ZSCAN22: variants seen among roughly 807,000 people sequenced by gnomAD.
The protein encoded by ZSCAN22 is zinc finger and SCAN domain-containing protein 22.
A neutral mutation model predicts 12.4 loss-of-function variants in ZSCAN22; 7 were observed. That is an observed-to-expected ratio of 0.57 (90% confidence interval 0.32 to 1.06). The LOEUF is 1.06. Ranked by LOEUF, ZSCAN22 falls within the 50% of genes least tolerant of loss-of-function variation. The probability of loss-of-function intolerance (pLI) is 0.04; values close to 1 mark genes in which losing one functional copy is unlikely to be tolerated. For missense variants in ZSCAN22, 576 were observed against 631.7 expected (o/e 0.91, Z 0.94); for synonymous variants, 243 against 255.9 (o/e 0.95, Z 0.48).
intron 1 of ZSCAN22, 158 bp from the exon 2 acceptor site, chr19:58,334,594 T>C (rs1395010589): frequency 3.4e-6 from 2 of 581,770 alleles, no homozygotes; most frequent in Non-Finnish European, 6.0e-6. Context: ...AGAACAGTGC[T>C]CAGCACCAAG....
rs1006391294 is a variant in ZSCAN22 at position 58,339,329 on chromosome 19, G to C, written c.*3G>C. On this transcript the variant is annotated 3_prime_UTR_variant, in exon 3 of 3. Coordinates refer to ENST00000329665, the MANE Select transcript of ZSCAN22 (RefSeq NM_181846.3). This position sits in a 1 kb window ranked among gnomAD's most constrained non-coding sequence, Gnocchi z 5.6. Reference sequence around the variant, plus strand: ...TCCACATCACGGTGCTGCAATGACCGGAAGTCGCCCCTGGGGGCGTAGCAC... The same window carrying C: ...TCCACATCACGGTGCTGCAATGACCCGAAGTCGCCCCTGGGGGCGTAGCAC... 1 of 1,588,210 alleles carries C rather than the reference G, an allele frequency of 6.3e-7. No homozygotes were observed. Among genetic ancestry groups the C allele is most frequent in the Non-Finnish European group, 8.6e-7 (1 of 1,164,498 alleles).
intron 2 of ZSCAN22, among the ~76,000 whole-genome samples, chr19:58,337,442 T>C (rs1160096990): frequency 7.9e-6 from 1 of 126,256 alleles, no homozygotes; most frequent in African/African-American, 3.1e-5. Flanking sequence ...CATCCAGGCC[T>C]AGACGCAAGG....
chr19:58,339,007 G>A lies in ZSCAN22; in HGVS notation c.1157G>A (p.Gly386Glu), dbSNP rs2051836253. Residue 386 changes from glycine (G) to glutamate (E), a missense_variant, in exon 3 of 3, where the codon GGG (glycine) becomes GAG (glutamate). Gly to Glu is a moderately conservative substitution (Grantham distance 98). Transcript: ENST00000329665. This position sits in a 1 kb window ranked among gnomAD's most constrained non-coding sequence, Gnocchi z 5.6. ...GERPYECDAC[G>E]KAFSQSTHLT... ...CGGCCCTACGAGTGTGACGCGTGTG[G>A]GAAAGCCTTCAGCCAGAGCACGCAC... 2 of 1,612,594 alleles carry A rather than the reference G, an allele frequency of 1.2e-6. No individual in the cohort carries two copies. Among genetic ancestry groups the A allele is most frequent in the Non-Finnish European group, 1.7e-6 (2 of 1,179,164 alleles).
In ZSCAN22 at chr19:58,338,903, C is replaced by G. The variant is rs750239603; in HGVS notation, c.1053C>G (p.Pro351=). ...QHQRIHTGEK[P]YKCGECGKTF... is the part of the protein sequence containing the mutation. ...AAAGGATTCATACTGGAGAGAAACC[C>G]TACAAATGTGGGGAATGTGGTAAAA... The change falls in exon 3 of 3, where the codon CCC becomes CCG. Residue 351 remains proline, a synonymous_variant. Coordinates refer to ENST00000329665, the MANE Select transcript of ZSCAN22 (RefSeq NM_181846.3). The surrounding 1 kb of genome is among the most constrained non-coding windows in gnomAD (Gnocchi z 5.4). 17 of 1,613,766 alleles carry G rather than the reference C, an allele frequency of 1.1e-5. No individual in the cohort carries two copies. Among genetic ancestry groups the G allele is most frequent in the Non-Finnish European group, 1.4e-5 (17 of 1,179,940 alleles).
In ZSCAN22 at chr19:58,335,078, G is replaced by C; in HGVS notation, c.276G>C (p.Leu92=). 6.2e-7 allele frequency: 1 copy of C among 1,614,156 alleles called. No individual in the cohort carries two copies. The highest frequency in any genetic ancestry group is 8.5e-7 in the Non-Finnish European group (1 of 1,180,046). Residue 92 remains leucine (L), a synonymous_variant, in exon 2 of 3, where the codon CTG becomes CTC. Transcript: ENST00000329665. The surrounding 1 kb of genome is among the most constrained non-coding windows in gnomAD (Gnocchi z 4.1). Reference sequence around the variant, plus strand: ...CCAAGGAGCAGATACTGGAGCTGCTGGTGCTGGAGCAGTTCCTGGGTGCGC... The same window carrying C: ...CCAAGGAGCAGATACTGGAGCTGCTCGTGCTGGAGCAGTTCCTGGGTGCGC... ...AHSKEQILEL[L]VLEQFLGALP...
chr19:58,338,150 G>T lies in ZSCAN22; in HGVS notation c.404-104G>T. 9.3e-7 allele frequency: 1 copy of T among 1,071,698 alleles called. No homozygotes were observed. Among genetic ancestry groups the T allele is most frequent in the Non-Finnish European group, 1.3e-6 (1 of 744,166 alleles). 66.4% of individuals were successfully genotyped at this position (1,071,698 alleles called of 1,614,324 possible). A position where few individuals can be genotyped will look rare whatever the true frequency, so the allele number is the denominator to read the frequency against. On this transcript the variant is annotated intron_variant, in intron 2 of 2. Transcript: ENST00000329665. The surrounding 1 kb of genome is among the most constrained non-coding windows in gnomAD (Gnocchi z 5.4). ...CCTTGGAACTGGGGCCAGATGTTAG[G>T]AACGGGCCACATCTCCCCTTACAAA...
Position 58,341,840 on chromosome 19 carries a change from G to A in ZSCAN22, c.*2514G>A, listed in dbSNP as rs1415632746. 1 of 152,158 alleles carries A rather than the reference G, an allele frequency of 6.6e-6. No homozygotes were observed. The highest frequency in any genetic ancestry group is 1.5e-5 in the Non-Finnish European group (1 of 68,038). 9.4% of individuals were successfully genotyped at this position (152,158 alleles called of 1,614,324 possible). A position where few individuals can be genotyped will look rare whatever the true frequency, so the allele number is the denominator to read the frequency against. On this transcript the variant is annotated 3_prime_UTR_variant, in exon 3 of 3. Coordinates refer to ENST00000329665, the MANE Select transcript of ZSCAN22 (RefSeq NM_181846.3). ...GACTCCTCCCTGTGGCTACTTTTGG[G>A]ACCTAAGATAAGTGACTTTCCTGAA...
At chr19:58,331,040 A>G (rs745348300) in intron 1 of ZSCAN22, among the ~76,000 whole-genome samples, 1 of 152,210 alleles carries the variant, frequency 6.6e-6, no homozygotes, top group Non-Finnish European at 1.5e-5. Flanking sequence ...TAATGTGCTG[A>G]TACTCCAACA....
intron 2 of ZSCAN22, among the ~76,000 whole-genome samples, chr19:58,336,275 A>C (rs1478333373): frequency 6.6e-6 from 1 of 152,144 alleles, no homozygotes; most frequent in Admixed American, 6.6e-5. Context: ...TGGTAACTGC[A>C]ACTGTTAGGA....
In ZSCAN22 at chr19:58,329,861, G is replaced by A. The variant is rs978052798; in HGVS notation, c.-52+2747G>A. Among the ~76,000 whole-genome samples the A allele has an allele frequency of 6.6e-5, 10 of 152,276 alleles. No homozygotes were observed. Among genetic ancestry groups the A allele is most frequent in the African/African-American group, 2.2e-4 (9 of 41,556 alleles). On this transcript the variant is annotated intron_variant, in intron 1 of 2. Transcript: ENST00000329665. This position sits in a 1 kb window ranked among gnomAD's most constrained non-coding sequence, Gnocchi z 4.1. The stretch of plus-strand genomic sequence containing the variant: ...CTTGGAACACATCCCCTGCAGATAA[G>A]GGGGAACTACCATAGTATAAAATAC...
rs201277099 is a variant in ZSCAN22 at position 58,335,153 on chromosome 19, A to G, written c.351A>G (p.Gly117=). 3.2e-5 allele frequency: 51 copies of G among 1,613,128 alleles called. No homozygotes were observed. In the Admixed American group the frequency reaches 5.3e-4, roughly 17 times the overall value. ...TGGGAGCCCAGAGTCCCAAGAGCGGAGAGGAAGCCGCTGTGCTGGTGGAGG... is the reference window on the plus strand; with the variant it reads ...TGGGAGCCCAGAGTCCCAAGAGCGGGGAGGAAGCCGCTGTGCTGGTGGAGG... ...AWVGAQSPKS[G]EEAAVLVEDL... is the part of the protein sequence containing the mutation. The change falls in exon 2 of 3, where the codon GGA becomes GGG. Residue 117 remains glycine, a synonymous_variant. Coordinates refer to ENST00000329665, the MANE Select transcript of ZSCAN22 (RefSeq NM_181846.3). This position sits in a 1 kb window ranked among gnomAD's most constrained non-coding sequence, Gnocchi z 4.1.
In ZSCAN22 at chr19:58,329,360, G is replaced by A. The variant is rs558298067; in HGVS notation, c.-52+2246G>A. ...AGCAGAGACTCCAGGCACACTGAGC[G>A]TCCTGGCTGACATTGAAGGAAAGGA... On this transcript the variant is annotated intron_variant, in intron 1 of 2. Transcript: ENST00000329665. This position sits in a 1 kb window ranked among gnomAD's most constrained non-coding sequence, Gnocchi z 4.1. Among the ~76,000 whole-genome samples the A allele has an allele frequency of 1.6e-4, 25 of 152,338 alleles. No homozygotes were observed. Among genetic ancestry groups the A allele is most frequent in the African/African-American group, 5.0e-4 (21 of 41,588 alleles).
chr19:58,338,367 G>A lies in ZSCAN22; in HGVS notation c.517G>A (p.Ala173Thr), dbSNP rs767065694. ...CATGGGAGGTGTTTCCCTTGGACCC[G>A]CCTTTGTCAAGGCATGTGAACCTGA... ...TLMGGVSLGPAFVKACEPEGS... is the reference protein window; with the variant it reads ...TLMGGVSLGPTFVKACEPEGS... Residue 173 changes from alanine (A) to threonine (T), a missense_variant, in exon 3 of 3, where the codon GCC becomes ACC. Ala to Thr is a moderately conservative substitution (Grantham distance 58). Coordinates refer to ENST00000329665, the MANE Select transcript of ZSCAN22 (RefSeq NM_181846.3). The surrounding 1 kb of genome is among the most constrained non-coding windows in gnomAD (Gnocchi z 5.4). The A allele has an allele frequency of 3.2e-5, 52 of 1,614,122 alleles. No homozygotes were observed. Among genetic ancestry groups the A allele is most frequent in the Admixed American group, 8.3e-5 (5 of 60,016 alleles).
chr19:58,329,321 G>A lies in ZSCAN22; in HGVS notation c.-52+2207G>A, dbSNP rs2051695498. ...CTCAGGCCTCCTGCATCTCTGTCCA[G>A]GGTGACTTCCTTGAGCAGAGACTCC... On this transcript the variant is annotated intron_variant, in intron 1 of 2. Transcript: ENST00000329665. The surrounding 1 kb of genome is among the most constrained non-coding windows in gnomAD (Gnocchi z 4.1). Among the ~76,000 whole-genome samples, 1 of 152,168 alleles carries A rather than the reference G, an allele frequency of 6.6e-6. No homozygotes were observed. The highest frequency in any genetic ancestry group is 1.5e-5 in the Non-Finnish European group (1 of 68,018).
intron 2 of ZSCAN22, among the ~76,000 whole-genome samples, chr19:58,336,812 C>G (rs2051802864): frequency 1.3e-5 from 2 of 152,172 alleles, no homozygotes; most frequent in Non-Finnish European, 2.9e-5. Flanking sequence ...GGTTAGTGGC[C>G]CTGGAAGGCC....
rs2051884900 is a variant in ZSCAN22 at position 58,342,269 on chromosome 19, C to T, written c.*2943C>T. 1 of 152,184 alleles carries T rather than the reference C, an allele frequency of 6.6e-6. No individual in the cohort carries two copies. The highest frequency in any genetic ancestry group is 2.1e-4 in the South Asian group (1 of 4,832). 9.4% of individuals were successfully genotyped at this position (152,184 alleles called of 1,614,324 possible). On this transcript the variant is annotated 3_prime_UTR_variant, in exon 3 of 3. Transcript: ENST00000329665. Reference sequence around the variant, plus strand: ...GTCACACTGCCAGGAACTGGAAGCACTAGGATTTGACAGCATATCCAAATA... The same window carrying T: ...GTCACACTGCCAGGAACTGGAAGCATTAGGATTTGACAGCATATCCAAATA...
At position 58,335,059 on chromosome 19, in the gene ZSCAN22, A is replaced by G; in HGVS notation, c.257A>G (p.Glu86Gly). ...QWLQPEAHSK[E>G]QILELLVLEQ... is the part of the protein sequence containing the mutation. ...CTGCAGCCCGAGGCGCACTCCAAGG[A>G]GCAGATACTGGAGCTGCTGGTGCTG... The change falls in exon 2 of 3, where the codon GAG becomes GGG. Residue 86 changes from glutamate to glycine, a missense_variant. Glu to Gly is a moderately conservative substitution (Grantham distance 98). Coordinates refer to ENST00000329665, the MANE Select transcript of ZSCAN22 (RefSeq NM_181846.3). The surrounding 1 kb of genome is among the most constrained non-coding windows in gnomAD (Gnocchi z 4.1). The G allele has an allele frequency of 1.2e-6, 2 of 1,614,090 alleles. No individual in the cohort carries two copies. The highest frequency in any genetic ancestry group is 1.7e-6 in the Non-Finnish European group (2 of 1,180,028).
In ZSCAN22 at chr19:58,335,050, A is replaced by G. The variant is rs765579073; in HGVS notation, c.248A>G (p.His83Arg). 3 of 1,613,916 alleles carry G rather than the reference A, an allele frequency of 1.9e-6. No individual in the cohort carries two copies. The highest frequency in any genetic ancestry group is 1.7e-6 in the Non-Finnish European group (2 of 1,180,010). ...LCCQWLQPEA[H>R]SKEQILELLV... The stretch of plus-strand genomic sequence containing the variant: ...TGTCAGTGGCTGCAGCCCGAGGCGC[A>G]CTCCAAGGAGCAGATACTGGAGCTG... Residue 83 changes from histidine to arginine, a missense_variant, in exon 2 of 3, where the codon CAC becomes CGC. His to Arg is a conservative substitution (Grantham distance 29). Transcript: ENST00000329665. This position sits in a 1 kb window ranked among gnomAD's most constrained non-coding sequence, Gnocchi z 4.1.
intron 1 of ZSCAN22, among the ~76,000 whole-genome samples, chr19:58,333,474 A>C (rs1022482120): frequency 6.6e-6 from 1 of 152,208 alleles, no homozygotes; most frequent in Non-Finnish European, 1.5e-5. Context: ...CAACAGACTT[A>C]ATCTAGACAT....
Sources: gnomAD v4.1 joint callset for allele counts (sites outside exome capture counted in the v4.1 genomes callset) on GRCh38, gnomAD v4.1.1 for gene constraint, Gnocchi (gnomAD v3.1) non-coding constraint, MANE v1.5 for transcripts, NCBI Gene and HGNC (gene_info 2026-07-23, HGNC 2026-07-21) for gene names.